Variants in PARD3B observed in about 807,000 individuals in gnomAD.
PARD3B encodes the protein par-3 family cell polarity regulator beta, also known as partitioning defective 3 homolog B.
In PARD3B, 103 loss-of-function variants were observed where a neutral mutation model predicts 130.2. That is an observed-to-expected ratio of 0.79 (90% CI 0.67 to 0.93). PARD3B has a LOEUF of 0.93. PARD3B is among the 40% of genes least tolerant of loss of function. The probability of loss-of-function intolerance (pLI) is 0.00; values close to 1 mark genes in which losing one functional copy is unlikely to be tolerated. For missense variants in PARD3B, 1,609 were observed against 1,499.2 expected, an observed-to-expected ratio of 1.07 and a Z score of -1.21; for synonymous variants, 583 against 553.2, an observed-to-expected ratio of 1.05 and a Z score of -0.76.
At chr2:205,519,589 ATTCAACCTGG>A (rs1428159301) in intron 21 of PARD3B, among the ~76,000 whole-genome samples, 1 of 151,404 alleles carries the variant, frequency 6.6e-6, no homozygotes, top group African/African-American at 2.4e-5. Flanking sequence ...ATTCTAGCCA[ATTCAACCTGG>A]TTAAGAACTC....
intron 11 of PARD3B, among the ~76,000 whole-genome samples, chr2:205,169,593 A>G (rs147082001): frequency 7.0e-4 from 107 of 152,248 alleles, no homozygotes; most frequent in Non-Finnish European, 1.3e-3. Flanking sequence ...CTCCATCTCT[A>G]GAGGTTCCCA....
intron 18 of PARD3B, among the ~76,000 whole-genome samples, chr2:205,372,994 A>G (rs1013250477): frequency 2.6e-5 from 4 of 152,188 alleles, no homozygotes; most frequent in African/African-American, 9.7e-5. Context: ...ATGAATGATG[A>G]ATTATTTTTT....
chr2:204,644,339 G>A (rs2035197763), intron 1 of PARD3B, among the ~76,000 whole-genome samples: 1 of 152,268 alleles, frequency 6.6e-6, no homozygotes, highest in African/African-American at 2.4e-5. Flanking sequence ...ACTTTTGGTT[G>A]ATTTTGTATG....
chr2:205,379,692 G>A (rs1193737898), intron 18 of PARD3B, among the ~76,000 whole-genome samples: 2 of 151,918 alleles, frequency 1.3e-5, no homozygotes, highest in Non-Finnish European at 2.9e-5. Flanking sequence ...CAAAAAAAGT[G>A]GCAGCATCTT....
At chr2:204,814,543 A>G (rs1427562525) in intron 2 of PARD3B, among the ~76,000 whole-genome samples, 1 of 151,880 alleles carries the variant, frequency 6.6e-6, no homozygotes, top group South Asian at 2.1e-4. Context: ...TCTAATCTCA[A>G]ATGAGTTTCA....
At chr2:205,110,193 GTGTTAAAAATGC>G (rs1703530129) in intron 5 of PARD3B, among the ~76,000 whole-genome samples, 1 of 152,126 alleles carries the variant, frequency 6.6e-6, no homozygotes, top group Non-Finnish European at 1.5e-5. Context: ...AGTAATCTTA[GTGTTAAAAATGC>G]TGTCCATTTG....
intron 2 of PARD3B, among the ~76,000 whole-genome samples, chr2:204,902,104 G>A (rs1018455082): frequency 3.3e-5 from 5 of 152,164 alleles, no homozygotes; most frequent in Non-Finnish European, 5.9e-5. Flanking sequence ...TGCATGGACC[G>A]TTTCTTGTCC....
chr2:205,366,365 G>A lies in PARD3B; in HGVS notation c.2631-34648G>A, dbSNP rs1276926013. Among the ~76,000 whole-genome samples the A allele has an allele frequency of 6.6e-6, 1 of 152,106 alleles. No individual in the cohort carries two copies. The highest frequency in any genetic ancestry group is 1.5e-5 in the Non-Finnish European group (1 of 68,010). Reference sequence around the variant, plus strand: ...AAATTTGCTGTGCAGTGCTTACATGGACAGAGGTAAAGAATTTCCTACTTA... The same window carrying A: ...AAATTTGCTGTGCAGTGCTTACATGAACAGAGGTAAAGAATTTCCTACTTA... On this transcript the variant is annotated intron_variant, in intron 18 of 22. Transcript: ENST00000406610. This position sits in a 1 kb window ranked among gnomAD's most constrained non-coding sequence, Gnocchi z 5.0.
chr2:205,306,865 T>G (rs1397951545), intron 18 of PARD3B, among the ~76,000 whole-genome samples: 2 of 152,246 alleles, frequency 1.3e-5, no homozygotes, highest in Non-Finnish European at 2.9e-5. Context: ...AATTCTCATC[T>G]GTTGCTCAGA....
rs777404530 is a variant in PARD3B, at chr2:205,440,483, A to G, written c.2855A>G (p.Asn952Ser). 22 of 1,613,984 alleles carry G rather than the reference A, an allele frequency of 1.4e-5. No homozygotes were observed. The highest frequency in any genetic ancestry group is 6.7e-5 in the Admixed American group (4 of 59,986). ...YDMDDDEMDPNYARVNHFREP... is the reference protein window; with the variant it reads ...YDMDDDEMDPSYARVNHFREP... Reference sequence around the variant, plus strand: ...ATGGATGATGATGAAATGGACCCCAATTATGCCAGAGTGAACCACTTTCGG... The same window carrying G: ...ATGGATGATGATGAAATGGACCCCAGTTATGCCAGAGTGAACCACTTTCGG... The change falls in exon 20 of 23, where the codon AAT becomes AGT. Residue 952 changes from asparagine to serine, a missense_variant. Transcript: ENST00000406610. The surrounding 1 kb of genome is among the most constrained non-coding windows in gnomAD (Gnocchi z 4.2).
intron 1 of PARD3B, among the ~76,000 whole-genome samples, chr2:204,581,376 G>A (rs1327171928): frequency 6.6e-6 from 1 of 151,880 alleles, no homozygotes; most frequent in Non-Finnish European, 1.5e-5. Flanking sequence ...TTAAAGCCTT[G>A]CCGTGTTCTT....
chr2:204,574,061 CTTCTGGGCTTTT>C (rs2032135664), intron 1 of PARD3B, among the ~76,000 whole-genome samples: 1 of 152,172 alleles, frequency 6.6e-6, no homozygotes, highest in Admixed American at 6.5e-5. Flanking sequence ...TGTGGCCTTT[CTTCTGGGCTTTT>C]CCCTCGGTGG....
At chr2:204,651,371 A>T (rs2035471442) in intron 1 of PARD3B, among the ~76,000 whole-genome samples, 1 of 152,240 alleles carries the variant, frequency 6.6e-6, no homozygotes, top group Admixed American at 6.5e-5. Flanking sequence ...TGTTGGCCCC[A>T]TGCAAGTCCA....
intron 3 of PARD3B, among the ~76,000 whole-genome samples, chr2:204,990,906 G>C (rs915318630): frequency 1.6e-4 from 25 of 151,992 alleles, no homozygotes; most frequent in Non-Finnish European, 3.5e-4. Flanking sequence ...TGTGAGATAG[G>C]GGTACAGCTT....
At chr2:205,150,315 A>T (rs1393121403) in intron 10 of PARD3B, among the ~76,000 whole-genome samples, 1 of 150,808 alleles carries the variant, frequency 6.6e-6, no homozygotes, top group Non-Finnish European at 1.5e-5. Flanking sequence ...AACCAGGAGA[A>T]TCCGAGGTCT....
chr2:205,206,537 G>T (rs1190684934), intron 15 of PARD3B, among the ~76,000 whole-genome samples: 1 of 151,122 alleles, frequency 6.6e-6, no homozygotes, highest in Non-Finnish European at 1.5e-5. Context: ...CCCTACAAAG[G>T]ACATGAACTC....
At chr2:205,195,070 A>T (rs2036608903) in intron 15 of PARD3B, among the ~76,000 whole-genome samples, 1 of 150,334 alleles carries the variant, frequency 6.7e-6, no homozygotes, top group Non-Finnish European at 1.5e-5. Flanking sequence ...AAGTGCTGGG[A>T]TTACAGGCGT....
In PARD3B at chr2:205,616,056, T is replaced by G. The variant is rs1260293868; in HGVS notation, c.*243T>G. 5.9e-6 allele frequency: 3 copies of G among 508,456 alleles called. No homozygotes were observed. Among genetic ancestry groups the G allele is most frequent in the African/African-American group, 3.8e-5 (2 of 51,950 alleles). The allele number at this position is 508,456 out of a possible 1,614,324, so 31.5% of individuals were successfully genotyped here. A position where few individuals can be genotyped will look rare whatever the true frequency, so the allele number is the denominator to read the frequency against. On this transcript the variant is annotated 3_prime_UTR_variant, in exon 23 of 23. Coordinates refer to ENST00000406610, the MANE Select transcript of PARD3B (RefSeq NM_001302769.2). Reference sequence around the variant, plus strand: ...CTATAAAAACAAAACTACCTGATAGTTGAAACGCTTTCAGAGTTGTTCAAA... The same window carrying G: ...CTATAAAAACAAAACTACCTGATAGGTGAAACGCTTTCAGAGTTGTTCAAA...
intron 1 of PARD3B, among the ~76,000 whole-genome samples, chr2:204,663,616 T>C (rs2035909057): frequency 6.6e-6 from 1 of 152,192 alleles, no homozygotes; most frequent in South Asian, 2.1e-4. Context: ...CAGGTGTGAT[T>C]CCTCCTCTTA....
Sources: allele counts gnomAD v4.1 joint callset (sites outside exome capture counted in the v4.1 genomes callset), GRCh38; gene constraint gnomAD v4.1.1; non-coding constraint Gnocchi (gnomAD v3.1); transcripts MANE v1.5; gene names NCBI Gene and HGNC (gene_info 2026-07-23, HGNC 2026-07-21).